Variants in SLC9B1 observed in about 807,000 individuals in gnomAD.
The protein encoded by SLC9B1 is solute carrier family 9 member B1, also known as sodium/hydrogen exchanger 9B1.
SLC9B1 carries 32 observed loss-of-function variants against 51.7 expected under a neutral mutation model. That is an observed-to-expected ratio of 0.62 (90% CI 0.47 to 0.83). SLC9B1 has a LOEUF of 0.83. SLC9B1 is among the 40% of genes least tolerant of loss of function. The probability of loss-of-function intolerance (pLI) is 0.00; values close to 1 mark genes in which losing one functional copy is unlikely to be tolerated. For missense variants in SLC9B1, 406 were observed against 613.2 expected, an observed-to-expected ratio of 0.66 and a Z score of 3.57; for synonymous variants, 145 against 212.7, an observed-to-expected ratio of 0.68 and a Z score of 2.77.
intron 7 of SLC9B1, among the ~76,000 whole-genome samples, 164 bp from the exon 8 acceptor site, chr4:102,911,701 C>A (rs1361323054): frequency 1.3e-5 from 2 of 152,114 alleles, no homozygotes; most frequent in East Asian, 3.8e-4. Context: ...ACATGTAGAT[C>A]TATTTAGTAC....
intron 3 of SLC9B1, among the ~76,000 whole-genome samples, chr4:102,961,747 G>A (rs1186788072): frequency 1.3e-5 from 2 of 151,944 alleles, no homozygotes; most frequent in Non-Finnish European, 2.9e-5. Flanking sequence ...TGTACTTTAA[G>A]TTCTGGGATA....
At chr4:102,931,284 CAG>C (rs964321026) in intron 7 of SLC9B1, among the ~76,000 whole-genome samples, 11 of 139,484 alleles carry the variant, frequency 7.9e-5, no homozygotes, top group African/African-American at 2.4e-4. Flanking sequence ...GAATATTTGA[CAG>C]AGAGAGAGGG....
chr4:103,000,056 G>C (rs188641265), intron 1 of SLC9B1, among the ~76,000 whole-genome samples: 1 of 152,234 alleles, frequency 6.6e-6, no homozygotes, highest in Admixed American at 6.5e-5. Flanking sequence ...TCATGAGAAC[G>C]CATTCACTGT....
intron 1 of SLC9B1, among the ~76,000 whole-genome samples, chr4:103,005,674 G>A (rs945660343): frequency 6.6e-6 from 1 of 151,990 alleles, no homozygotes; most frequent in African/African-American, 2.4e-5. Flanking sequence ...TCTGCACATG[G>A]CACATACTGT....
chr4:102,974,861 G>C (rs199641663), intron 3 of SLC9B1, among the ~76,000 whole-genome samples: 52 of 147,892 alleles, frequency 3.5e-4, no homozygotes, highest in Non-Finnish European at 6.2e-4. Context: ...AAGAAAATTG[G>C]AGGCCAAACT....
At chr4:103,003,390 T>C (rs1481349410) in intron 1 of SLC9B1, among the ~76,000 whole-genome samples, 1 of 151,778 alleles carries the variant, frequency 6.6e-6, no homozygotes, top group Admixed American at 6.5e-5. Flanking sequence ...TAATGAACCC[T>C]GTAACTCAAA....
At chr4:102,954,076 T>A (rs1182327205) in intron 3 of SLC9B1, among the ~76,000 whole-genome samples, 3 of 43,862 alleles carry the variant, frequency 6.8e-5, no homozygotes, top group Non-Finnish European at 7.5e-5. Context: ...GCTTCCAGTT[T>A]TTGCCCATTC....
chr4:102,999,414 A>T (rs1384332739), intron 1 of SLC9B1, among the ~76,000 whole-genome samples: 1 of 152,136 alleles, frequency 6.6e-6, no homozygotes, highest in Admixed American at 6.5e-5. Flanking sequence ...TTCCTTTAAG[A>T]GTTTTAATAT....
intron 3 of SLC9B1, among the ~76,000 whole-genome samples, chr4:102,967,270 G>C (rs1218146176): frequency 6.6e-6 from 1 of 152,126 alleles, no homozygotes; most frequent in Non-Finnish European, 1.5e-5. Flanking sequence ...TTTCTAGTCT[G>C]CTCCTTCAAA....
chr4:102,946,584 T>C (rs1465758162), intron 5 of SLC9B1, 63 bp downstream of exon 5: 1 of 1,545,784 alleles, frequency 6.5e-7, no homozygotes, highest in Non-Finnish European at 8.7e-7. Flanking sequence ...TTTGCTTCTT[T>C]TTCTTTCTCA....
At chr4:102,966,553 G>C (rs988470169) in intron 3 of SLC9B1, among the ~76,000 whole-genome samples, 1 of 152,176 alleles carries the variant, frequency 6.6e-6, no homozygotes, top group African/African-American at 2.4e-5. Flanking sequence ...TGGCTGGGGT[G>C]GCTGCTGAGG....
intron 3 of SLC9B1, among the ~76,000 whole-genome samples, chr4:102,969,700 G>A (rs1398748433): frequency 6.6e-6 from 1 of 152,190 alleles, no homozygotes; most frequent in Admixed American, 6.5e-5. Context: ...CGAGCCAAAG[G>A]AGGATGTTCG....
At chr4:102,933,108 T>C (rs1046478377) in intron 6 of SLC9B1, among the ~76,000 whole-genome samples, 4 of 152,190 alleles carry the variant, frequency 2.6e-5, no homozygotes, top group Admixed American at 2.0e-4. Context: ...AGAAATGCTT[T>C]TGGTGCTCCT....
intron 3 of SLC9B1, among the ~76,000 whole-genome samples, chr4:102,949,678 G>C (rs1321728831): frequency 6.6e-6 from 1 of 152,056 alleles, no homozygotes; most frequent in African/African-American, 2.4e-5. Flanking sequence ...CCTATATGTG[G>C]GCCAGGTGCA....
intron 6 of SLC9B1, among the ~76,000 whole-genome samples, chr4:102,944,086 G>C (rs1273028454): frequency 6.6e-6 from 1 of 152,070 alleles, no homozygotes; most frequent in Non-Finnish European, 1.5e-5. Context: ...GGAGCAACGT[G>C]GATGGAGTTG....
chr4:102,926,601 C>G (rs1404332717), intron 7 of SLC9B1, among the ~76,000 whole-genome samples: 1 of 152,044 alleles, frequency 6.6e-6, no homozygotes, highest in African/African-American at 2.4e-5. Context: ...TAAAAGAGGA[C>G]ACAAACAAAT....
rs1273885012 is a variant in SLC9B1, at chr4:102,961,649, AT to A, written c.212-12223del. On this transcript the variant is annotated intron_variant, in intron 3 of 11. Coordinates refer to ENST00000296422, the MANE Select transcript of SLC9B1 (RefSeq NM_139173.4). Reference sequence around the variant, plus strand: ...TCCTCCTCCCTTCCTTTGCTTACTTATTTTTTTCCCTTTAATTCCCATTCAC... The same window carrying A: ...TCCTCCTCCCTTCCTTTGCTTACTTATTTTTTCCCTTTAATTCCCATTCAC... Among the ~76,000 whole-genome samples the A allele has an allele frequency of 4.1e-5, 6 of 146,730 alleles. No homozygotes were observed. The East Asian group carries it at 5.9e-4, about 15-fold the overall frequency.
At chr4:103,000,002 T>C (rs1245416346) in intron 1 of SLC9B1, among the ~76,000 whole-genome samples, 2 of 152,098 alleles carry the variant, frequency 1.3e-5, no homozygotes, top group African/African-American at 4.8e-5. Flanking sequence ...AAGAGAGAAG[T>C]GCAAGCAGGG....
intron 11 of SLC9B1, chr4:102,887,997 T>C (rs964501117): frequency 1.3e-5 from 2 of 153,572 alleles, no homozygotes; most frequent in African/African-American, 2.4e-5. Context: ...AAAAGTTCCA[T>C]TGAGGAACAG....
Sources: allele counts gnomAD v4.1 joint callset (sites outside exome capture counted in the v4.1 genomes callset), GRCh38; gene constraint gnomAD v4.1.1; transcripts MANE v1.5; gene names NCBI Gene and HGNC (gene_info 2026-07-23, HGNC 2026-07-21).